TBX18: variants seen among roughly 807,000 people sequenced by gnomAD.
The protein encoded by TBX18 is T-box transcription factor 18.
A neutral mutation model predicts 55.0 loss-of-function variants in TBX18; 21 were observed. That is an observed-to-expected ratio of 0.38 (90% CI 0.27 to 0.55). The LOEUF (loss-of-function observed/expected upper bound fraction) is 0.55. Among genes scored for constraint, TBX18 ranks in the 20% least tolerant of loss-of-function variants. TBX18 has a pLI of 0.73. For synonymous variants in TBX18, 342 were observed against 326.1 expected (o/e 1.05, Z -0.53); for missense variants, 840 against 799.6 (o/e 1.05, Z -0.61).
rs756903301 is a variant in TBX18 at position 84,756,881 on chromosome 6, T to A, written c.600-12A>T. On this transcript the variant is annotated splice_polypyrimidine_tract_variant and intron_variant, in intron 3 of 7. Transcript: ENST00000369663. ...TGTGGTAAACATACCTAGAAGGCAATGACCAGGCGTTCAGTATACTGTTTT... is the reference window on the plus strand; with the variant it reads ...TGTGGTAAACATACCTAGAAGGCAAAGACCAGGCGTTCAGTATACTGTTTT... 1 of 1,613,324 alleles carries A rather than the reference T, an allele frequency of 6.2e-7. No individual in the cohort carries two copies. Among genetic ancestry groups the A allele is most frequent in the African/African-American group, 1.3e-5 (1 of 75,056 alleles).
Position 84,748,007 on chromosome 6 carries a change from G to C in TBX18, c.852C>G (p.Ile284Met), listed in dbSNP as rs1158305466. Residue 284 changes from isoleucine to methionine, a missense_variant, in exon 5 of 8, where the codon ATC (isoleucine) becomes ATG (methionine). Ile to Met is a conservative substitution (Grantham distance 10). Transcript: ENST00000369663. ...RKDCGDDLSP[I>M]KPVPSGEGVK... is the part of the protein sequence containing the mutation. ...CTCCCTCCCCGGATGGAACAGGCTT[G>C]ATGGGAGAAAGATCGTCTCCACAGT... 3.7e-6 allele frequency: 6 copies of C among 1,613,556 alleles called. No homozygotes were observed.
rs1766889800 is a variant in TBX18, at chr6:84,737,118, G to A, written c.1391C>T (p.Thr464Ile). 2 of 1,614,096 alleles carry A rather than the reference G, an allele frequency of 1.2e-6. No homozygotes were observed. The highest frequency in any genetic ancestry group is 1.6e-4 in the Middle Eastern group (1 of 6,084). ...GCCACCCATGGACATGTTCACGGAG[G>A]TGCTGCTGCTCACGCCCACATAGGA... Reference protein sequence around the residue: ...TPSYVGVSSSTSVNMSMGGTD... With the variant: ...TPSYVGVSSSISVNMSMGGTD... Residue 464 changes from threonine to isoleucine, a missense_variant, in exon 8 of 8, where the codon ACC becomes ATC. Transcript: ENST00000369663.
intron 1 of TBX18, chr6:84,763,161 C>G (rs933710307): frequency 2.8e-6 from 1 of 361,972 alleles, no homozygotes; most frequent in African/African-American, 2.1e-5. Context: ...CGCCTCGAAG[C>G]GCAAGCAGCA....
chr6:84,760,384 G>A, intron 2 of TBX18, 28 bp from the exon 3 acceptor site: 2 of 1,541,414 alleles, frequency 1.3e-6, no homozygotes, highest in South Asian at 1.2e-5. Context: ...GAGAAAGAGG[G>A]TTTGGGGTTT....
intron 4 of TBX18, among the ~76,000 whole-genome samples, chr6:84,752,199 C>G (rs1268604826): frequency 6.6e-6 from 1 of 151,370 alleles, no homozygotes; most frequent in African/African-American, 2.4e-5. Flanking sequence ...AAAAAAAAAG[C>G]ATAATATTGT....
In TBX18 at chr6:84,764,289, G is replaced by T. The variant is rs1767757200; in HGVS notation, c.-108C>A. ...AACTAAAAGGCTCTCGGGGCCTCCC[G>T]AGATCTGCCCCCTTCCCCACCGCGG... On this transcript the variant is annotated 5_prime_UTR_variant, in exon 1 of 8. Transcript: ENST00000369663. The T allele has an allele frequency of 3.8e-6, 5 of 1,314,024 alleles. No individual in the cohort carries two copies. In the South Asian group the frequency reaches 9.1e-5, roughly 24 times the overall value. 81.4% of individuals were successfully genotyped at this position (1,314,024 alleles called of 1,614,324 possible).
intron 6 of TBX18, among the ~76,000 whole-genome samples, chr6:84,743,340 A>G (rs1004904039): frequency 2.6e-5 from 4 of 152,200 alleles, no homozygotes; most frequent in African/African-American, 9.7e-5. Flanking sequence ...AATCAACTGA[A>G]AGAACTAAGA....
chr6:84,751,934 A>G (rs1365212363), intron 4 of TBX18, among the ~76,000 whole-genome samples: 1 of 152,240 alleles, frequency 6.6e-6, no homozygotes, highest in African/African-American at 2.4e-5. Flanking sequence ...TTAATAGAGC[A>G]AATAGAACCA....
At chr6:84,753,055 C>G (rs976065645) in intron 4 of TBX18, among the ~76,000 whole-genome samples, 7 of 152,142 alleles carry the variant, frequency 4.6e-5, no homozygotes, top group Non-Finnish European at 8.8e-5. Flanking sequence ...ATATGGGTAG[C>G]TCAAGGACCA....
chr6:84,760,216 T>G, intron 3 of TBX18, 39 bp downstream of exon 3: 1 of 1,260,692 alleles, frequency 7.9e-7, no homozygotes. Flanking sequence ...AAAATCCTAG[T>G]GTTTTTTTTT....
chr6:84,762,879 A>C, intron 1 of TBX18, 131 bp from the exon 2 acceptor site: 1 of 830,064 alleles, frequency 1.2e-6, no homozygotes, highest in Non-Finnish European at 1.9e-6. Flanking sequence ...TGGTGCCATC[A>C]GGTCCTCCTA....
At chr6:84,761,839 T>C (rs933424422) in intron 2 of TBX18, among the ~76,000 whole-genome samples, 1 of 152,232 alleles carries the variant, frequency 6.6e-6, no homozygotes, top group Non-Finnish European at 1.5e-5. Flanking sequence ...AATTTTTAAG[T>C]ATTCCTCAGC....
In TBX18 at chr6:84,736,488, C is replaced by T. The variant is rs1773946632; in HGVS notation, c.*197G>A. 2.2e-6 allele frequency: 1 copy of T among 459,880 alleles called. No individual in the cohort carries two copies. Among genetic ancestry groups the T allele is most frequent in the African/African-American group, 2.0e-5 (1 of 49,450 alleles). The allele number at this position is 459,880 out of a possible 1,614,324, so 28.5% of individuals were successfully genotyped here. ...AATAGGGGCCGTGATACTCCATGTG[C>T]TATGTATATACAGCATACATATATA... On this transcript the variant is annotated 3_prime_UTR_variant, in exon 8 of 8. Coordinates refer to ENST00000369663, the MANE Select transcript of TBX18 (RefSeq NM_001080508.3).
intron 5 of TBX18, among the ~76,000 whole-genome samples, chr6:84,747,185 G>GA (rs111678338): frequency 0.049 from 6,855 of 139,282 alleles, 539 homozygotes; most frequent in African/African-American, 0.17. Context: ...CACTGAAATT[G>GA]AAAAAAAAAA....
At chr6:84,738,410 T>C in intron 7 of TBX18, 87 bp downstream of exon 7, 1 of 997,266 alleles carries the variant, frequency 1.0e-6, no homozygotes, top group South Asian at 1.3e-5. Context: ...TTATTGTAAG[T>C]ATAAATAATG....
At chr6:84,744,079 A>C (rs920008894) in intron 6 of TBX18, among the ~76,000 whole-genome samples, 182 bp downstream of exon 6, 14 of 152,178 alleles carry the variant, frequency 9.2e-5, no homozygotes, top group South Asian at 6.2e-4. Flanking sequence ...ATGAACATTC[A>C]CCTTAGGGTA....
Position 84,739,548 on chromosome 6 carries a change from A to C in TBX18, c.1005-957T>G, listed in dbSNP as rs74719608. The stretch of plus-strand genomic sequence containing the variant: ...CTGAGACCTCATCACTCTTCCTTCA[A>C]CCACCTCAGCCCTAAGTAATTTGTT... On this transcript the variant is annotated intron_variant, in intron 6 of 7. Transcript: ENST00000369663. Among the ~76,000 whole-genome samples, 593 of 152,180 alleles carry C rather than the reference A, an allele frequency of 3.9e-3. 4 individuals carry two copies. Among genetic ancestry groups the C allele is most frequent in the African/African-American group, 0.014 (576 of 41,516 alleles).
At position 84,753,589 on chromosome 6, in the gene TBX18, G is replaced by T. The variant is rs192566628; in HGVS notation, c.771+3109C>A. Among the ~76,000 whole-genome samples the T allele has an allele frequency of 1.4e-3, 216 of 152,326 alleles. 1 individual carries two copies. The highest frequency in any genetic ancestry group is 4.7e-3 in the African/African-American group (194 of 41,570). On this transcript the variant is annotated intron_variant, in intron 4 of 7. Transcript: ENST00000369663. ...TGGGATGAACCTCAACTATGTAAGGGTAGAGGGGTAAGTTCCCAAGAGGTC... is the reference window on the plus strand; with the variant it reads ...TGGGATGAACCTCAACTATGTAAGGTTAGAGGGGTAAGTTCCCAAGAGGTC...
intron 3 of TBX18, among the ~76,000 whole-genome samples, chr6:84,759,976 A>C (rs1767602387): frequency 6.6e-6 from 1 of 152,224 alleles, no homozygotes; most frequent in Non-Finnish European, 1.5e-5. Context: ...TATAAAAGAC[A>C]CATTTAGTTT....
Sources: allele counts gnomAD v4.1 joint callset (sites outside exome capture counted in the v4.1 genomes callset), GRCh38; gene constraint gnomAD v4.1.1; transcripts MANE v1.5; gene names NCBI Gene and HGNC (gene_info 2026-07-23, HGNC 2026-07-21).